The following DGKB variants were observed in gnomAD, a reference collection of about 807,000 sequenced individuals.
DGKB encodes the protein diacylglycerol kinase beta.
DGKB carries 67 observed loss-of-function variants against 114.3 expected under a neutral mutation model. The ratio of observed to expected loss-of-function variants is 0.59; its 90% CI spans 0.48 to 0.72. The LOEUF is 0.72. DGKB is among the 30% of genes least tolerant of loss of function. DGKB has a pLI of 0.00. For synonymous variants in DGKB, 398 were observed against 323.1 expected, an observed-to-expected ratio of 1.23 and a Z score of -2.49; for missense variants, 907 against 975.2, an observed-to-expected ratio of 0.93 and a Z score of 0.93.
intron 1 of DGKB, among the ~76,000 whole-genome samples, chr7:14,871,800 T>A (rs2128197524): frequency 6.6e-6 from 1 of 152,300 alleles, no homozygotes; most frequent in Non-Finnish European, 1.5e-5. Context: ...TTGCTATATA[T>A]GGGGAGGTGT....
chr7:14,200,817 G>C (rs1225088279), intron 23 of DGKB, among the ~76,000 whole-genome samples: 8 of 151,974 alleles, frequency 5.3e-5, no homozygotes, highest in African/African-American at 1.7e-4. Flanking sequence ...GATGGTTGGT[G>C]GTGGGGAGAG....
At chr7:14,179,490 T>G (rs147140480) in intron 23 of DGKB, among the ~76,000 whole-genome samples, 1 of 152,182 alleles carries the variant, frequency 6.6e-6, no homozygotes, top group South Asian at 2.1e-4. Context: ...TTGGTCATAT[T>G]TGAGGTCGGA....
intron 1 of DGKB, among the ~76,000 whole-genome samples, chr7:14,909,777 GT>G (rs548855194): frequency 3.3e-5 from 5 of 151,976 alleles, no homozygotes; most frequent in African/African-American, 7.3e-5. Context: ...AGGTGGAATA[GT>G]TTTTTTTATA....
chr7:14,689,237 G>A (rs1431257710), intron 9 of DGKB, among the ~76,000 whole-genome samples: 3 of 84,898 alleles, frequency 3.5e-5, no homozygotes, highest in South Asian at 4.0e-4. Context: ...GAGGAGTCTC[G>A]CTCTGTCGCC....
intron 1 of DGKB, among the ~76,000 whole-genome samples, chr7:14,914,172 T>A (rs377193791): frequency 6.6e-6 from 1 of 152,176 alleles, no homozygotes; most frequent in South Asian, 2.1e-4. Context: ...TGCCAGAGCC[T>A]TCTCTGACCT....
At chr7:14,855,735 C>T (rs1481085063) in intron 1 of DGKB, among the ~76,000 whole-genome samples, 3 of 152,072 alleles carry the variant, frequency 2.0e-5, no homozygotes. Flanking sequence ...TTCTTGTCCT[C>T]ATTTTCATTC....
intron 2 of DGKB, among the ~76,000 whole-genome samples, chr7:14,833,145 T>A: frequency 6.6e-6 from 1 of 152,082 alleles, no homozygotes; most frequent in East Asian, 1.9e-4. Flanking sequence ...CATGTGCTTA[T>A]CTCTCTGTTA....
At chr7:14,620,598 T>C (rs998711732) in intron 15 of DGKB, among the ~76,000 whole-genome samples, 4 of 151,712 alleles carry the variant, frequency 2.6e-5, no homozygotes, top group Non-Finnish European at 5.9e-5. Context: ...GTATAGGCAG[T>C]TGGAACACAA....
At chr7:14,377,619 A>C (rs1818708022) in intron 21 of DGKB, among the ~76,000 whole-genome samples, 1 of 152,220 alleles carries the variant, frequency 6.6e-6, no homozygotes, top group Admixed American at 6.5e-5. Context: ...ACTTGGTAAC[A>C]AACGCAGCCA....
At position 14,777,908 on chromosome 7, in the gene DGKB, T is replaced by A. The variant is rs116695982; in HGVS notation, c.71-20177A>T. Among the ~76,000 whole-genome samples the A allele has an allele frequency of 2.7e-3, 410 of 152,304 alleles. 1 individual carries two copies. The highest frequency in any genetic ancestry group is 9.5e-3 in the African/African-American group (394 of 41,572). Reference sequence around the variant, plus strand: ...ACTAATTTAATTTGTCATAGCAGTGTATTAGAGGGAAGTGTTGGCTCTTGT... The same window carrying A: ...ACTAATTTAATTTGTCATAGCAGTGAATTAGAGGGAAGTGTTGGCTCTTGT... On this transcript the variant is annotated intron_variant, in intron 2 of 25. Transcript: ENST00000402815.
intron 23 of DGKB, among the ~76,000 whole-genome samples, chr7:14,333,716 T>G (rs910536261): frequency 2.0e-5 from 3 of 152,236 alleles, no homozygotes; most frequent in Non-Finnish European, 4.4e-5. Flanking sequence ...CTAAATCAAT[T>G]AGAGTAACTA....
chr7:14,737,169 G>A (rs907252459), intron 4 of DGKB, among the ~76,000 whole-genome samples: 2 of 151,956 alleles, frequency 1.3e-5, no homozygotes, highest in Admixed American at 1.3e-4. Flanking sequence ...GTTCTATCCA[G>A]TAGGGCATTT....
At chr7:14,733,531 A>T (rs1197451240) in intron 5 of DGKB, among the ~76,000 whole-genome samples, 1 of 152,044 alleles carries the variant, frequency 6.6e-6, no homozygotes, top group Admixed American at 6.6e-5. Context: ...TACTAAAAAT[A>T]CAAAAATTGG....
At chr7:14,798,253 G>A (rs889216938) in intron 2 of DGKB, among the ~76,000 whole-genome samples, 2 of 152,088 alleles carry the variant, frequency 1.3e-5, no homozygotes, top group Admixed American at 1.3e-4. Flanking sequence ...TTGAAGACTG[G>A]GTTTTTACCA....
intron 21 of DGKB, among the ~76,000 whole-genome samples, chr7:14,364,024 T>C (rs962405926): frequency 6.6e-6 from 1 of 152,050 alleles, no homozygotes; most frequent in Non-Finnish European, 1.5e-5. Flanking sequence ...GTTTCTATAG[T>C]ACAGGTCAGC....
At chr7:14,678,885 C>T (rs1820345481) in intron 12 of DGKB, among the ~76,000 whole-genome samples, 1 of 151,830 alleles carries the variant, frequency 6.6e-6, no homozygotes, top group African/African-American at 2.4e-5. Context: ...GACTCAGTGA[C>T]AGGTTGTGTA....
intron 9 of DGKB, 55 bp downstream of exon 9, chr7:14,694,020 A>T (rs1823378275): frequency 4.5e-6 from 7 of 1,540,982 alleles, no homozygotes; most frequent in Non-Finnish European, 2.6e-6. Context: ...AAAATGTGTA[A>T]TAGAGAGCCC....
intron 23 of DGKB, among the ~76,000 whole-genome samples, chr7:14,326,555 C>G (rs374381080): frequency 1.1e-3 from 162 of 152,112 alleles, no homozygotes; most frequent in Middle Eastern, 3.4e-3. Flanking sequence ...CTGAAGAAAA[C>G]ATTATTCTCA....
At chr7:14,923,579 T>C (rs934436954) in intron 1 of DGKB, among the ~76,000 whole-genome samples, 1 of 152,206 alleles carries the variant, frequency 6.6e-6, no homozygotes, top group African/African-American at 2.4e-5. Flanking sequence ...GTTCAAACCA[T>C]CATTATTTCC....
Sources: allele counts gnomAD v4.1 joint callset (sites outside exome capture counted in the v4.1 genomes callset), GRCh38; gene constraint gnomAD v4.1.1; transcripts MANE v1.5; gene names NCBI Gene and HGNC (gene_info 2026-07-23, HGNC 2026-07-21).